The following CDH13 variants were observed in gnomAD, a reference collection of about 807,000 sequenced individuals.
CDH13 encodes cadherin 13.
A neutral mutation model predicts 63.8 loss-of-function variants in CDH13; 24 were observed. The ratio of observed to expected loss-of-function variants is 0.38; its 90% confidence interval spans 0.27 to 0.53. CDH13 has a LOEUF of 0.53. CDH13 is among the 20% of genes least tolerant of loss of function. The pLI is 0.85. For synonymous variants in CDH13, 503 were observed against 355.3 expected, an observed-to-expected ratio of 1.42 and a Z score of -4.67; for missense variants, 1,049 against 903.1, an observed-to-expected ratio of 1.16 and a Z score of -2.07.
At chr16:83,413,139 A>T (rs2092151830) in intron 6 of CDH13, among the ~76,000 whole-genome samples, 1 of 152,220 alleles carries the variant, frequency 6.6e-6, no homozygotes, top group African/African-American at 2.4e-5. Flanking sequence ...GTGTTTTAGT[A>T]TAATGTTATT....
intron 2 of CDH13, among the ~76,000 whole-genome samples, chr16:82,946,475 T>C (rs1034926633): frequency 6.6e-6 from 1 of 152,102 alleles, no homozygotes; most frequent in Non-Finnish European, 1.5e-5. Context: ...ATCCCAGCAC[T>C]TTGTGAGGCC....
rs113664560 is a variant in CDH13, at chr16:83,265,346, T to C, written c.636+47849T>C. On this transcript the variant is annotated intron_variant, in intron 5 of 13. Transcript: ENST00000567109. ...GGATTATGTGTGTATTTCGCATGCC[T>C]GAAAATCCTTTTTCTACTTTTAGAC... is the stretch of plus-strand genomic sequence containing the variant. Among the ~76,000 whole-genome samples, 854 of 152,296 alleles carry C rather than the reference T, an allele frequency of 5.6e-3. 11 individuals are homozygous for C. Among genetic ancestry groups the C allele is most frequent in the African/African-American group, 0.019 (775 of 41,576 alleles).
chr16:83,499,841 T>A (rs1038417383), intron 7 of CDH13, among the ~76,000 whole-genome samples: 1 of 152,224 alleles, frequency 6.6e-6, no homozygotes, highest in Non-Finnish European at 1.5e-5. Context: ...TCGCTATTAT[T>A]GCTCAAGCTG....
At chr16:83,566,407 A>C (rs1377131230) in intron 7 of CDH13, among the ~76,000 whole-genome samples, 1 of 152,130 alleles carries the variant, frequency 6.6e-6, no homozygotes, top group South Asian at 2.1e-4. Context: ...CACTCCTGTC[A>C]TAGGAAGACA....
chr16:83,760,796 T>C (rs1393482492), intron 11 of CDH13, among the ~76,000 whole-genome samples: 1 of 152,238 alleles, frequency 6.6e-6, no homozygotes, highest in Non-Finnish European at 1.5e-5. Context: ...AATGCATGGC[T>C]GCAGAGAGAG....
chr16:83,432,755 C>T (rs1477771301), intron 6 of CDH13, among the ~76,000 whole-genome samples: 1 of 152,164 alleles, frequency 6.6e-6, no homozygotes, highest in Non-Finnish European at 1.5e-5. Flanking sequence ...AGCTGGGTCT[C>T]TGAGATGCAT....
At chr16:83,461,885 T>A (rs1170591273) in intron 6 of CDH13, among the ~76,000 whole-genome samples, 4 of 152,178 alleles carry the variant, frequency 2.6e-5, no homozygotes, top group African/African-American at 9.6e-5. Context: ...AAGCCAAACA[T>A]ACCCCAGAAA....
intron 3 of CDH13, among the ~76,000 whole-genome samples, chr16:83,041,795 C>G (rs1290437893): frequency 6.6e-6 from 1 of 152,220 alleles, no homozygotes; most frequent in East Asian, 1.9e-4. Flanking sequence ...GTTTTCTCAT[C>G]TGTACAATGG....
At chr16:83,349,676 C>A (rs2090911096) in intron 6 of CDH13, among the ~76,000 whole-genome samples, 1 of 152,104 alleles carries the variant, frequency 6.6e-6, no homozygotes, top group Non-Finnish European at 1.5e-5. Context: ...TCTCAGCTCA[C>A]TGCAACCTGT....
chr16:83,667,019 A>T (rs886323776), intron 8 of CDH13, among the ~76,000 whole-genome samples: 8 of 149,836 alleles, frequency 5.3e-5, no homozygotes, highest in Non-Finnish European at 1.2e-4. Context: ...GGATGGATGG[A>T]TGGATGGATG....
At chr16:82,652,838 G>C (rs368886035) in intron 1 of CDH13, among the ~76,000 whole-genome samples, 25 of 151,984 alleles carry the variant, frequency 1.6e-4, no homozygotes, top group African/African-American at 5.6e-4. Flanking sequence ...TGTAACTGTG[G>C]GTTCCAATGA....
chr16:82,903,667 C>T (rs938636966), intron 2 of CDH13, among the ~76,000 whole-genome samples: 14 of 152,176 alleles, frequency 9.2e-5, no homozygotes, highest in Admixed American at 3.3e-4. Context: ...GAATCAGACC[C>T]TAACGGGTTT....
intron 7 of CDH13, among the ~76,000 whole-genome samples, chr16:83,591,094 A>G (rs1906700550): frequency 2.0e-5 from 3 of 151,918 alleles, no homozygotes; most frequent in African/African-American, 7.3e-5. Flanking sequence ...TATGTTTAGT[A>G]GAGATGGGGG....
chr16:82,976,816 G>C (rs56261630), intron 2 of CDH13, among the ~76,000 whole-genome samples: 5 of 152,152 alleles, frequency 3.3e-5, no homozygotes, highest in African/African-American at 1.2e-4. Context: ...CAGCTAGCTA[G>C]CCAGGTGGTA....
intron 3 of CDH13, among the ~76,000 whole-genome samples, chr16:83,048,608 T>C (rs1215131763): frequency 6.6e-6 from 1 of 152,138 alleles, no homozygotes; most frequent in African/African-American, 2.4e-5. Context: ...GTTCATACCA[T>C]CCATTTCAGT....
intron 7 of CDH13, among the ~76,000 whole-genome samples, chr16:83,533,618 C>CT (rs11365656): frequency 0.23 from 26,217 of 116,072 alleles, 3,626 homozygotes; most frequent in East Asian, 0.37. Context: ...TTTACATTAT[C>CT]TTTTTTTTTT....
chr16:83,059,316 G>A (rs546352596), intron 3 of CDH13, among the ~76,000 whole-genome samples: 1 of 152,274 alleles, frequency 6.6e-6, no homozygotes, highest in South Asian at 2.1e-4. Flanking sequence ...CTGGGAGCAG[G>A]GAGAGCGGGT....
intron 6 of CDH13, among the ~76,000 whole-genome samples, chr16:83,349,916 A>G (rs893474901): frequency 1.3e-5 from 2 of 152,156 alleles, no homozygotes; most frequent in South Asian, 2.1e-4. Flanking sequence ...GTGCATTATT[A>G]AAGCAGCTCC....
Position 83,711,345 on chromosome 16 carries a change from A to C in CDH13, c.1538+32884A>C, listed in dbSNP as rs944668450. Among the ~76,000 whole-genome samples, 79 of 152,240 alleles carry C rather than the reference A, an allele frequency of 5.2e-4. 3 individuals are homozygous for C. On this transcript the variant is annotated intron_variant, in intron 10 of 13. Coordinates refer to ENST00000567109, the MANE Select transcript of CDH13 (RefSeq NM_001257.5). ...AAATGCCAGACGGGCTGTGGTAGGCATAACAGATGACATAGTAGGAATTGG... is the reference window on the plus strand; with the variant it reads ...AAATGCCAGACGGGCTGTGGTAGGCCTAACAGATGACATAGTAGGAATTGG...
Sources: gnomAD v4.1 joint callset for allele counts (sites outside exome capture counted in the v4.1 genomes callset) on GRCh38, gnomAD v4.1.1 for gene constraint, MANE v1.5 for transcripts, NCBI Gene and HGNC (gene_info 2026-07-23, HGNC 2026-07-21) for gene names.